The following RAPGEF5 variants were observed in gnomAD, a reference collection of about 807,000 sequenced individuals.
RAPGEF5 encodes Rap guanine nucleotide exchange factor 5, also known as M-Ras-regulated GEF.
In RAPGEF5, 65 loss-of-function variants were observed where a neutral mutation model predicts 125.2. The observed-to-expected ratio is 0.52, with a 90% CI of 0.43 to 0.64. RAPGEF5 has a LOEUF of 0.64. Among genes scored for constraint, RAPGEF5 ranks in the 30% least tolerant of loss-of-function variants. The probability of loss-of-function intolerance (pLI) is 0.00; values close to 1 mark genes in which losing one functional copy is unlikely to be tolerated. For synonymous variants in RAPGEF5, 391 were observed against 385.9 expected, an observed-to-expected ratio of 1.01 and a Z score of -0.16; for missense variants, 958 against 1,048.1, an observed-to-expected ratio of 0.91 and a Z score of 1.19.
At chr7:22,136,210 G>C (rs1028311712) in intron 22 of RAPGEF5, 85 bp from the exon 23 acceptor site, 24 of 1,014,384 alleles carry the variant, frequency 2.4e-5, no homozygotes, top group Non-Finnish European at 3.5e-5. Flanking sequence ...TACACAATTT[G>C]AACATAACTT....
intron 17 of RAPGEF5, among the ~76,000 whole-genome samples, chr7:22,154,075 C>T (rs953900293): frequency 2.0e-5 from 3 of 152,024 alleles, no homozygotes; most frequent in Admixed American, 6.6e-5. Context: ...ATTGTCAGCC[C>T]GCAATAGGAC....
At chr7:22,291,374 G>A (rs1771635873) in intron 5 of RAPGEF5, 133 bp from the exon 6 acceptor site, 1 of 1,363,794 alleles carries the variant, frequency 7.3e-7, no homozygotes, top group Non-Finnish European at 9.6e-7. Context: ...AATAACAAAG[G>A]TTGTGACAGT....
intron 5 of RAPGEF5, among the ~76,000 whole-genome samples, chr7:22,307,654 A>T (rs1156345747): frequency 6.6e-6 from 1 of 152,174 alleles, no homozygotes; most frequent in Non-Finnish European, 1.5e-5. Flanking sequence ...TAAAGACCAT[A>T]CTGCTTGCCC....
intron 9 of RAPGEF5, among the ~76,000 whole-genome samples, chr7:22,203,355 AG>A (rs2128128713): frequency 1.3e-5 from 2 of 152,342 alleles, no homozygotes; most frequent in South Asian, 4.1e-4. Context: ...AAGGGAGACA[AG>A]GAAGTTCAGT....
At chr7:22,322,176 T>C (rs553086904) in intron 1 of RAPGEF5, among the ~76,000 whole-genome samples, 2 of 151,876 alleles carry the variant, frequency 1.3e-5, no homozygotes, top group African/African-American at 2.4e-5. Context: ...CACCATGTCG[T>C]CCAGGCTGGA....
chr7:22,186,250 G>C (rs918210460), intron 11 of RAPGEF5, among the ~76,000 whole-genome samples: 1 of 152,076 alleles, frequency 6.6e-6, no homozygotes, highest in Non-Finnish European at 1.5e-5. Flanking sequence ...GATTCTATGG[G>C]TTCTAACAAT....
chr7:22,284,018 T>C (rs1461937141), intron 6 of RAPGEF5, among the ~76,000 whole-genome samples: 1 of 152,098 alleles, frequency 6.6e-6, no homozygotes, highest in Admixed American at 6.5e-5. Flanking sequence ...TAGATTTTGA[T>C]AGTTTCTTTG....
Position 22,193,808 on chromosome 7 carries a change from G to C in RAPGEF5, c.1115+107C>G, listed in dbSNP as rs760825099. The C allele has an allele frequency of 5.0e-6, 8 of 1,610,448 alleles. No individual in the cohort carries two copies. In the Admixed American group the frequency reaches 5.0e-5, roughly 10 times the overall value. The stretch of plus-strand genomic sequence containing the variant: ...GAGGCGGAGAGAAAAGAGAGGGAGG[G>C]AGGGTAGAGGAGGCAGAGAGCGAGT... On this transcript the variant is annotated intron_variant, in intron 10 of 25. Transcript: ENST00000665637.
At chr7:22,169,491 A>C (rs1436298674) in intron 11 of RAPGEF5, among the ~76,000 whole-genome samples, 1 of 152,170 alleles carries the variant, frequency 6.6e-6, no homozygotes, top group Non-Finnish European at 1.5e-5. Flanking sequence ...TAATGTTTAC[A>C]AATTACAACA....
At chr7:22,177,131 GACAACTGT>G (rs1330891860) in intron 11 of RAPGEF5, among the ~76,000 whole-genome samples, 1 of 152,190 alleles carries the variant, frequency 6.6e-6, no homozygotes, top group African/African-American at 2.4e-5. Flanking sequence ...ACTAAGGGAT[GACAACTGT>G]GCCCTCTGCC....
At chr7:22,306,157 T>G (rs964861039) in intron 5 of RAPGEF5, among the ~76,000 whole-genome samples, 16 of 152,240 alleles carry the variant, frequency 1.1e-4, no homozygotes, top group Non-Finnish European at 2.4e-4. Context: ...CTAATTTACA[T>G]TCCCACCAAC....
chr7:22,169,078 A>G (rs1464855849), intron 11 of RAPGEF5, among the ~76,000 whole-genome samples: 2 of 152,220 alleles, frequency 1.3e-5, no homozygotes, highest in Non-Finnish European at 2.9e-5. Flanking sequence ...GCAAAAGCGA[A>G]TTCCTAAACA....
chr7:22,248,515 T>C (rs761413557), intron 7 of RAPGEF5, among the ~76,000 whole-genome samples: 2 of 152,160 alleles, frequency 1.3e-5, no homozygotes, highest in African/African-American at 4.8e-5. Flanking sequence ...CCAGACCAGA[T>C]GGACACACCA....
At chr7:22,328,038 A>C (rs991080407) in intron 1 of RAPGEF5, among the ~76,000 whole-genome samples, 6 of 152,352 alleles carry the variant, frequency 3.9e-5, no homozygotes, top group East Asian at 3.9e-4. Context: ...TACTATGTAC[A>C]TGAATGTGGG....
chr7:22,196,782 G>A lies in RAPGEF5; in HGVS notation c.997-2749C>T, dbSNP rs1417387610. On this transcript the variant is annotated intron_variant, in intron 9 of 25. Transcript: ENST00000665637. Reference sequence around the variant, plus strand: ...GATGCTTCTGATTTTAAACGCTGATGTTTCGTACTAAGACAGCCTGCCTGC... The same window carrying A: ...GATGCTTCTGATTTTAAACGCTGATATTTCGTACTAAGACAGCCTGCCTGC... Among the ~76,000 whole-genome samples, 4 of 152,232 alleles carry A rather than the reference G, an allele frequency of 2.6e-5. No individual in the cohort carries two copies. The East Asian group carries it at 7.7e-4, about 29-fold the overall frequency.
intron 24 of RAPGEF5, among the ~76,000 whole-genome samples, chr7:22,126,690 T>A (rs1782755845): frequency 6.6e-6 from 1 of 152,152 alleles, no homozygotes. Context: ...CTTGGCTCAC[T>A]GCAACCTCTG....
At chr7:22,331,222 A>G (rs1229886695) in intron 1 of RAPGEF5, among the ~76,000 whole-genome samples, 2 of 152,230 alleles carry the variant, frequency 1.3e-5, no homozygotes, top group African/African-American at 4.8e-5. Context: ...CACTGAGGGT[A>G]AGATTAAATC....
chr7:22,169,853 C>G (rs13236866), intron 11 of RAPGEF5, among the ~76,000 whole-genome samples: 3 of 790 alleles, frequency 3.8e-3, no homozygotes, highest in Non-Finnish European at 7.4e-3. Flanking sequence ...GAGCGAGACT[C>G]TGTGTCAAAA....
chr7:22,125,039 T>G (rs1233737015), intron 25 of RAPGEF5, among the ~76,000 whole-genome samples: 1 of 152,134 alleles, frequency 6.6e-6, no homozygotes, highest in Admixed American at 6.5e-5. Flanking sequence ...GGCTGAGATT[T>G]AAAAAGGAAC....
Sources: gnomAD v4.1 joint callset for allele counts (sites outside exome capture counted in the v4.1 genomes callset) on GRCh38, gnomAD v4.1.1 for gene constraint, MANE v1.5 for transcripts, NCBI Gene and HGNC (gene_info 2026-07-23, HGNC 2026-07-21) for gene names.